Variants in SNX13 observed in about 807,000 individuals in gnomAD.
SNX13 encodes the protein sorting nexin 13.
Under a neutral mutation model 133.6 loss-of-function variants are expected in SNX13, and 45 were observed. The observed-to-expected ratio is 0.34, with a 90% CI of 0.27 to 0.43. SNX13 has a LOEUF of 0.43. Ranked by LOEUF, SNX13 falls within the 20% of genes least tolerant of loss-of-function variation. The pLI is 1.00. For missense variants in SNX13, 1,032 were observed against 1,145.1 expected (o/e 0.90, Z 1.43); for synonymous variants, 414 against 373.9 (o/e 1.11, Z -1.24).
intron 1 of SNX13, among the ~76,000 whole-genome samples, chr7:17,929,782 G>A (rs1016920849): frequency 1.3e-5 from 2 of 152,120 alleles, no homozygotes; most frequent in African/African-American, 4.8e-5. Context: ...AAAAATTGTG[G>A]TTATGATCAA....
chr7:17,939,962 C>T (rs750315263), intron 1 of SNX13, among the ~76,000 whole-genome samples: 14 of 152,094 alleles, frequency 9.2e-5, no homozygotes, highest in Non-Finnish European at 1.9e-4. Context: ...GCCAACGCTG[C>T]CACAGAGTAG....
intron 2 of SNX13, among the ~76,000 whole-genome samples, chr7:17,896,814 T>C (rs1465853358): frequency 1.3e-5 from 2 of 152,104 alleles, no homozygotes; most frequent in Non-Finnish European, 2.9e-5. Context: ...TAAAGGTTTA[T>C]CAACTTAAGG....
chr7:17,882,017 C>G (rs901223153), intron 5 of SNX13: 1 of 152,134 alleles, frequency 6.6e-6, no homozygotes, highest in Admixed American at 6.5e-5. Context: ...ACTAATTTGA[C>G]CTTCTTCACA....
At chr7:17,849,122 T>C (rs542307301) in intron 11 of SNX13, among the ~76,000 whole-genome samples, 5 of 152,278 alleles carry the variant, frequency 3.3e-5, no homozygotes, top group South Asian at 2.1e-4. Context: ...AGATTGCCAA[T>C]TGGCATGTCT....
At chr7:17,878,699 A>G (rs942272750) in intron 5 of SNX13, among the ~76,000 whole-genome samples, 2 of 152,164 alleles carry the variant, frequency 1.3e-5, no homozygotes, top group Non-Finnish European at 2.9e-5. Flanking sequence ...AAACTGCAAT[A>G]ACACCCCATT....
At chr7:17,888,778 T>C in intron 5 of SNX13, 3 of 469,906 alleles carry the variant, frequency 6.4e-6, no homozygotes, top group South Asian at 4.7e-5. Flanking sequence ...ATTTTGATCC[T>C]GACAATTATC....
chr7:17,878,058 T>C (rs966849476), intron 5 of SNX13, among the ~76,000 whole-genome samples: 8 of 152,092 alleles, frequency 5.3e-5, no homozygotes, highest in Admixed American at 3.9e-4. Context: ...ATGATAAATA[T>C]GTAATAAATG....
At chr7:17,866,510 A>C (rs1268710952) in intron 9 of SNX13, among the ~76,000 whole-genome samples, 1 of 152,218 alleles carries the variant, frequency 6.6e-6, no homozygotes, top group African/African-American at 2.4e-5. Flanking sequence ...GTATGTAAAG[A>C]AATGGATAAA....
intron 21 of SNX13, among the ~76,000 whole-genome samples, chr7:17,802,889 A>G (rs1784786737): frequency 6.6e-6 from 1 of 152,108 alleles, no homozygotes; most frequent in South Asian, 2.1e-4. Context: ...ATGTAATTAA[A>G]AAAAAAATCT....
chr7:17,854,745 C>T (rs886122736), intron 9 of SNX13, among the ~76,000 whole-genome samples: 2 of 152,110 alleles, frequency 1.3e-5, no homozygotes, highest in Non-Finnish European at 2.9e-5. Context: ...ACCATTCCTC[C>T]GTCTCTCTCC....
intron 16 of SNX13, 98 bp from the exon 17 acceptor site, chr7:17,826,189 C>T (rs1787893492): frequency 1.5e-6 from 1 of 658,686 alleles, no homozygotes; most frequent in Non-Finnish European, 2.6e-6. Context: ...TTACTCATTT[C>T]CCTGCATGTA....
intron 1 of SNX13, among the ~76,000 whole-genome samples, chr7:17,934,326 A>C (rs1258744323): frequency 6.6e-6 from 1 of 152,232 alleles, no homozygotes; most frequent in Non-Finnish European, 1.5e-5. Flanking sequence ...AAAAAGCCAT[A>C]ATCTGAGAAC....
At chr7:17,859,500 C>T (rs1034753007) in intron 9 of SNX13, among the ~76,000 whole-genome samples, 5 of 152,086 alleles carry the variant, frequency 3.3e-5, no homozygotes, top group African/African-American at 1.2e-4. Flanking sequence ...CTCTGAAAGA[C>T]AATTTGTTCA....
intron 5 of SNX13, chr7:17,889,795 A>C (rs541753574): frequency 9.2e-5 from 14 of 152,342 alleles, no homozygotes; most frequent in African/African-American, 3.4e-4. Context: ...TTGTAAAGTA[A>C]GAATTTTAGT....
rs148741204 is a variant in SNX13, at chr7:17,821,584, T to G, written c.1770A>C (p.Leu590=). Residue 590 remains leucine (L), a synonymous_variant, in exon 18 of 26, where the codon CTA becomes CTC. Transcript: ENST00000428135. ...LYAITVHRRN[L]NSEEMWKTYR... is the part of the protein sequence containing the mutation. The stretch of plus-strand genomic sequence containing the variant: ...AGGTTTTCCACATCTCCTCACTGTT[T>G]AGGTTGCGCCGGTGTACAGTGATGG... The G allele has an allele frequency of 8.7e-6, 14 of 1,613,590 alleles. No individual in the cohort carries two copies. The highest frequency in any genetic ancestry group is 1.7e-5 in the Admixed American group (1 of 59,970).
intron 8 of SNX13, among the ~76,000 whole-genome samples, chr7:17,871,255 T>C (rs921913208): frequency 1.3e-5 from 2 of 152,180 alleles, no homozygotes; most frequent in African/African-American, 4.8e-5. Flanking sequence ...TCCGCCCACC[T>C]TGGCCTCTCA....
At chr7:17,914,707 C>G (rs923876291) in intron 1 of SNX13, among the ~76,000 whole-genome samples, 2 of 152,170 alleles carry the variant, frequency 1.3e-5, no homozygotes, top group African/African-American at 2.4e-5. Context: ...ACTGGCCCTA[C>G]AAGAGAAGCT....
chr7:17,843,688 G>C (rs1487190512), intron 12 of SNX13, among the ~76,000 whole-genome samples: 1 of 152,116 alleles, frequency 6.6e-6, no homozygotes, highest in East Asian at 1.9e-4. Flanking sequence ...GTCTCATAAA[G>C]TTTTTAAAAA....
At chr7:17,940,230 G>A (rs1802673751) in intron 1 of SNX13, 54 bp downstream of exon 1, 1 of 1,551,696 alleles carries the variant, frequency 6.4e-7, no homozygotes, top group Non-Finnish European at 8.7e-7. Flanking sequence ...TGACGGGCTG[G>A]CGCCGGCCCC....
Sources: gnomAD v4.1 joint callset for allele counts (sites outside exome capture counted in the v4.1 genomes callset) on GRCh38, gnomAD v4.1.1 for gene constraint, MANE v1.5 for transcripts, NCBI Gene and HGNC (gene_info 2026-07-23, HGNC 2026-07-21) for gene names.